Variants in KCNH1 observed in about 807,000 individuals in gnomAD.
The protein encoded by KCNH1 is potassium voltage-gated channel subfamily H member 1.
A neutral mutation model predicts 69.2 loss-of-function variants in KCNH1; 27 were observed. The observed-to-expected ratio is 0.39, with a 90% CI of 0.29 to 0.54. The LOEUF is 0.54. Among genes scored for constraint, KCNH1 ranks in the 20% least tolerant of loss-of-function variants. The pLI, the probability that KCNH1 is intolerant of heterozygous loss-of-function variation, is 0.68. For synonymous variants in KCNH1, 456 were observed against 487.7 expected (o/e 0.93, Z 0.86); for missense variants, 798 against 1,261.6 (o/e 0.63, Z 5.57).
chr1:210,725,158 C>T (rs573329914), intron 10 of KCNH1, among the ~76,000 whole-genome samples: 1 of 152,264 alleles, frequency 6.6e-6, no homozygotes, highest in African/African-American at 2.4e-5. Flanking sequence ...GGCTAGCATT[C>T]CCTCTTGTGA....
intron 5 of KCNH1, among the ~76,000 whole-genome samples, chr1:211,027,515 G>A (rs1037038356): frequency 2.6e-5 from 4 of 151,828 alleles, no homozygotes; most frequent in African/African-American, 7.3e-5. Context: ...AAGGTGGGAG[G>A]AATGGTTGAG....
intron 6 of KCNH1, among the ~76,000 whole-genome samples, chr1:210,988,211 C>G (rs549862552): frequency 1.3e-5 from 2 of 152,192 alleles, no homozygotes; most frequent in Non-Finnish European, 2.9e-5. Flanking sequence ...AAAGGGAATT[C>G]CCTGACCCCT....
intron 5 of KCNH1, among the ~76,000 whole-genome samples, chr1:211,075,458 C>G (rs1690715913): frequency 6.6e-6 from 1 of 152,174 alleles, no homozygotes; most frequent in African/African-American, 2.4e-5. Flanking sequence ...TCCCACCATC[C>G]AAACGTGGAT....
At chr1:210,798,987 CA>C (rs1181597567) in intron 8 of KCNH1, among the ~76,000 whole-genome samples, 2 of 149,764 alleles carry the variant, frequency 1.3e-5, no homozygotes, top group Admixed American at 1.3e-4. Flanking sequence ...GATGAAGCAG[CA>C]AAAAATAAAA....
In KCNH1 at chr1:211,018,563, G is replaced by A. The variant is rs894898801; in HGVS notation, c.1032+220C>T. On this transcript the variant is annotated intron_variant, in intron 6 of 10. Transcript: ENST00000271751. ...GGCTTACATTCCACGTGGAGTAGGA[G>A]TAAGCCTTTGGTCTCTTCCACACCC... Among the ~76,000 whole-genome samples, 3 of 152,210 alleles carry A rather than the reference G, an allele frequency of 2.0e-5. No individual in the cohort carries two copies. In the South Asian group the frequency reaches 6.2e-4, roughly 32 times the overall value.
At chr1:211,000,718 C>T (rs1689159848) in intron 6 of KCNH1, among the ~76,000 whole-genome samples, 1 of 152,062 alleles carries the variant, frequency 6.6e-6, no homozygotes, top group Non-Finnish European at 1.5e-5. Context: ...AATCCTAAGG[C>T]AAAAGAACAA....
chr1:210,929,370 A>G (rs1008575725), intron 6 of KCNH1, among the ~76,000 whole-genome samples: 1 of 152,214 alleles, frequency 6.6e-6, no homozygotes. Context: ...GGGATGGTTT[A>G]ACATACACAA....
intron 7 of KCNH1, among the ~76,000 whole-genome samples, chr1:210,850,240 T>C (rs1685669223): frequency 6.6e-6 from 1 of 152,132 alleles, no homozygotes; most frequent in African/African-American, 2.4e-5. Context: ...GGCTCAGGCC[T>C]GTAATCCCAT....
chr1:211,108,429 A>C (rs1472907928), intron 1 of KCNH1: 1 of 152,152 alleles, frequency 6.6e-6, no homozygotes, highest in Non-Finnish European at 1.5e-5. Flanking sequence ...TACTACATAG[A>C]GTGAAATAAT....
intron 10 of KCNH1, among the ~76,000 whole-genome samples, chr1:210,686,355 C>T (rs1681407681): frequency 6.6e-6 from 1 of 152,184 alleles, no homozygotes; most frequent in Admixed American, 6.5e-5. Context: ...CGCAAATGCA[C>T]CTCTTCCAGA....
intron 6 of KCNH1, among the ~76,000 whole-genome samples, chr1:210,930,573 TAAAG>T (rs1687662743): frequency 6.6e-6 from 1 of 152,092 alleles, no homozygotes; most frequent in African/African-American, 2.4e-5. Context: ...CCCAAAACCA[TAAAG>T]AGTCTAGAAG....
At chr1:211,002,007 T>C (rs1284578987) in intron 6 of KCNH1, among the ~76,000 whole-genome samples, 1 of 139,994 alleles carries the variant, frequency 7.1e-6, no homozygotes, top group East Asian at 2.1e-4. Flanking sequence ...CACTGGGGCC[T>C]GTTGTGGGGT....
Position 210,879,227 on chromosome 1 carries a change from T to C in KCNH1, c.1462+40413A>G, listed in dbSNP as rs190796584. Among the ~76,000 whole-genome samples, 653 of 152,150 alleles carry C rather than the reference T, an allele frequency of 4.3e-3. 8 individuals carry two copies. Among genetic ancestry groups the C allele is most frequent in the South Asian group, 0.022 (104 of 4,834 alleles). On this transcript the variant is annotated intron_variant, in intron 7 of 10. Coordinates refer to ENST00000271751, the MANE Select transcript of KCNH1 (RefSeq NM_172362.3). ...ATATAACAATTATCTATGATCGCTTTCAAAATATAGAAACAGAATACTTCC... is the reference window on the plus strand; with the variant it reads ...ATATAACAATTATCTATGATCGCTTCCAAAATATAGAAACAGAATACTTCC...
chr1:210,856,836 A>ACATAT (rs1685853743), intron 7 of KCNH1, among the ~76,000 whole-genome samples: 2 of 121,386 alleles, frequency 1.6e-5, no homozygotes, highest in Non-Finnish European at 3.5e-5. Flanking sequence ...TATATAATAT[A>ACATAT]TATAAAATAT....
intron 10 of KCNH1, among the ~76,000 whole-genome samples, chr1:210,757,736 G>A (rs1392324469): frequency 2.0e-5 from 3 of 152,240 alleles, no homozygotes; most frequent in Non-Finnish European, 4.4e-5. Flanking sequence ...CACTTGTCAG[G>A]AGGATCATTC....
chr1:210,834,161 T>C (rs1685229054), intron 7 of KCNH1, among the ~76,000 whole-genome samples: 1 of 151,964 alleles, frequency 6.6e-6, no homozygotes, highest in African/African-American at 2.4e-5. Flanking sequence ...GAAATACCAT[T>C]TGACCCAGTC....
chr1:210,859,787 T>C, intron 7 of KCNH1: 1 of 1,013,938 alleles, frequency 9.9e-7, no homozygotes, highest in Non-Finnish European at 1.6e-6. Flanking sequence ...CACATCCTTC[T>C]GTCATGAAGC....
chr1:210,876,722 G>C (rs1293319623), intron 7 of KCNH1, among the ~76,000 whole-genome samples: 7 of 152,054 alleles, frequency 4.6e-5, no homozygotes, highest in Non-Finnish European at 2.9e-5. Context: ...TGCAATCCCT[G>C]TTCCTTCAAG....
intron 3 of KCNH1, among the ~76,000 whole-genome samples, 154 bp downstream of exon 3, chr1:211,103,342 A>C (rs1357466346): frequency 6.6e-6 from 1 of 152,250 alleles, no homozygotes; most frequent in Non-Finnish European, 1.5e-5. Flanking sequence ...TAAGTGATCA[A>C]TCTATATCAT....
Sources: allele counts gnomAD v4.1 joint callset (sites outside exome capture counted in the v4.1 genomes callset), GRCh38; gene constraint gnomAD v4.1.1; transcripts MANE v1.5; gene names NCBI Gene and HGNC (gene_info 2026-07-23, HGNC 2026-07-21).